Variants in PTPN13 observed in about 807,000 individuals in gnomAD.
The protein encoded by PTPN13 is tyrosine-protein phosphatase non-receptor type 13.
PTPN13 carries 191 observed loss-of-function variants against 284.0 expected under a neutral mutation model. The ratio of observed to expected loss-of-function variants is 0.67; its 90% CI spans 0.60 to 0.76. The LOEUF is 0.76. Ranked by LOEUF, PTPN13 falls within the 30% of genes least tolerant of loss-of-function variation. The pLI is 0.00. For missense variants in PTPN13, 2,797 were observed against 2,939.9 expected (o/e 0.95, Z 1.12); for synonymous variants, 986 against 1,022.3 (o/e 0.96, Z 0.68).
At chr4:86,730,460 A>G (rs948104414) in intron 10 of PTPN13, among the ~76,000 whole-genome samples, 1 of 149,708 alleles carries the variant, frequency 6.7e-6, no homozygotes, top group African/African-American at 2.4e-5. Flanking sequence ...GGTGGGCTCC[A>G]CCCACTTCGA....
intron 1 of PTPN13, among the ~76,000 whole-genome samples, chr4:86,613,833 T>C (rs1379006235): frequency 1.3e-5 from 2 of 152,176 alleles, no homozygotes; most frequent in East Asian, 3.8e-4. Flanking sequence ...TCTCTCTCAC[T>C]ACATTCTGTC....
At chr4:86,702,566 G>T (rs1190927806) in intron 7 of PTPN13, among the ~76,000 whole-genome samples, 1 of 152,014 alleles carries the variant, frequency 6.6e-6, no homozygotes, top group African/African-American at 2.4e-5. Context: ...TTTATAAATG[G>T]TAATTTCTTA....
intron 10 of PTPN13, among the ~76,000 whole-genome samples, chr4:86,731,315 T>A (rs1420088474): frequency 6.6e-6 from 1 of 152,204 alleles, no homozygotes; most frequent in Non-Finnish European, 1.5e-5. Context: ...TTGTTTTAAG[T>A]TGTCTCCTAA....
chr4:86,726,199 C>A (rs941204728), intron 10 of PTPN13, among the ~76,000 whole-genome samples: 2 of 149,500 alleles, frequency 1.3e-5, no homozygotes, highest in Non-Finnish European at 3.0e-5. Context: ...GGTACCAGTA[C>A]CATGCTGTTT....
intron 1 of PTPN13, among the ~76,000 whole-genome samples, chr4:86,612,907 T>C (rs1017187492): frequency 3.3e-5 from 5 of 152,264 alleles, no homozygotes; most frequent in South Asian, 2.1e-4. Context: ...GTGGTTTTTT[T>C]TCCCCAGATA....
intron 41 of PTPN13, among the ~76,000 whole-genome samples, chr4:86,798,385 C>CT (rs765392347): frequency 1.3e-5 from 2 of 152,192 alleles, no homozygotes; most frequent in African/African-American, 2.4e-5. Flanking sequence ...GCCCTGTTGA[C>CT]ATTTTGGGAG....
rs375352445 is a variant in PTPN13 at position 86,741,660 on chromosome 4, A to T, written c.2331A>T (p.Gly777=). Residue 777 remains glycine (G), a synonymous_variant, in exon 16 of 48, where the codon GGA becomes GGT. Coordinates refer to ENST00000411767, the MANE Select transcript of PTPN13 (RefSeq NM_080683.3). The stretch of plus-strand genomic sequence containing the variant: ...TCTGCCAAAGACTGACAGAATATGG[A>T]GTTCATTTTCACCGAGTGCACCCTG... The part of the protein sequence containing the change: ...LKVCQRLTEY[G]VHFHRVHPEK... 1.2e-6 allele frequency: 2 copies of T among 1,613,598 alleles called. No homozygotes were observed. The highest frequency in any genetic ancestry group is 2.7e-5 in the African/African-American group (2 of 75,026).
At chr4:86,652,292 A>G (rs2148811953) in intron 2 of PTPN13, among the ~76,000 whole-genome samples, 1 of 152,250 alleles carries the variant, frequency 6.6e-6, no homozygotes, top group East Asian at 1.9e-4. Context: ...AATATGCATG[A>G]TTTATATACA....
In PTPN13 at chr4:86,732,469, A is replaced by C. The variant is rs752681431; in HGVS notation, c.1678A>C (p.Ile560Leu). 2 of 1,601,040 alleles carry C rather than the reference A, an allele frequency of 1.2e-6. No homozygotes were observed. Among genetic ancestry groups the C allele is most frequent in the Non-Finnish European group, 1.7e-6 (2 of 1,172,558 alleles). Reference sequence around the variant, plus strand: ...TATATCTTTGGATTTGCCACGGTCTATTCTTGTAAGTAATAAAACCAATTT... The same window carrying C: ...TATATCTTTGGATTTGCCACGGTCTCTTCTTGTAAGTAATAAAACCAATTT... ...PFISLDLPRSILTKKGKNEDN... is the reference protein window; with the variant it reads ...PFISLDLPRSLLTKKGKNEDN... The change falls in exon 11 of 48, where the codon ATT becomes CTT. Residue 560 changes from isoleucine to leucine, a missense_variant. Coordinates refer to ENST00000411767, the MANE Select transcript of PTPN13 (RefSeq NM_080683.3).
At chr4:86,700,997 A>G (rs747656086) in intron 6 of PTPN13, among the ~76,000 whole-genome samples, 9 of 152,092 alleles carry the variant, frequency 5.9e-5, no homozygotes, top group Non-Finnish European at 1.0e-4. Flanking sequence ...AAATAATACC[A>G]CTCAAAAATG....
In PTPN13 at chr4:86,774,223, G is replaced by A. The variant is rs954396621; in HGVS notation, c.5350-150G>A. The A allele has an allele frequency of 3.1e-4, 214 of 682,250 alleles. 1 individual carries two copies. Among genetic ancestry groups the A allele is most frequent in the Middle Eastern group, 4.2e-4 (1 of 2,372 alleles). 42.3% of individuals were successfully genotyped at this position (682,250 alleles called of 1,614,324 possible). A position where few individuals can be genotyped will look rare whatever the true frequency, so the allele number is the denominator to read the frequency against. On this transcript the variant is annotated intron_variant, in intron 32 of 47. Coordinates refer to ENST00000411767, the MANE Select transcript of PTPN13 (RefSeq NM_080683.3). The stretch of plus-strand genomic sequence containing the variant: ...TCTAGAATCAGACAGACTGTCTAGA[G>A]TCAGACAGACTTGACTTCTTCACTT...
At chr4:86,660,037 C>T (rs1036556849) in intron 2 of PTPN13, among the ~76,000 whole-genome samples, 1 of 151,996 alleles carries the variant, frequency 6.6e-6, no homozygotes, top group Admixed American at 6.6e-5. Context: ...GTAAAAGGTT[C>T]AAGAAGGAAC....
intron 40 of PTPN13, among the ~76,000 whole-genome samples, chr4:86,791,291 G>A (rs957887310): frequency 6.6e-6 from 1 of 152,140 alleles, no homozygotes; most frequent in Non-Finnish European, 1.5e-5. Flanking sequence ...TGACCAGTGG[G>A]GGGCATCCAC....
At chr4:86,800,704 CAGGG>C (rs889786582) in intron 42 of PTPN13, among the ~76,000 whole-genome samples, 55 of 134,214 alleles carry the variant, frequency 4.1e-4, no homozygotes, top group African/African-American at 1.2e-3. Flanking sequence ...GGGAAGAAAG[CAGGG>C]AGGGAGGGAG....
At chr4:86,748,837 A>T (rs1270706743) in intron 17 of PTPN13, among the ~76,000 whole-genome samples, 1 of 151,904 alleles carries the variant, frequency 6.6e-6, no homozygotes, top group Non-Finnish European at 1.5e-5. Flanking sequence ...TTGTATTTTT[A>T]GTAGAGATGG....
intron 1 of PTPN13, among the ~76,000 whole-genome samples, chr4:86,614,499 T>C (rs1355237990): frequency 2.0e-5 from 3 of 152,160 alleles, no homozygotes; most frequent in Non-Finnish European, 4.4e-5. Context: ...TCTAAAAATT[T>C]CCTTTACTTC....
chr4:86,643,422 G>A (rs989430321), intron 2 of PTPN13, among the ~76,000 whole-genome samples: 2 of 151,998 alleles, frequency 1.3e-5, no homozygotes, highest in Admixed American at 6.6e-5. Context: ...AAGTGAAAAT[G>A]ACAAATTACT....
intron 44 of PTPN13, 26 bp downstream of exon 44, chr4:86,805,395 T>A: frequency 7.1e-7 from 1 of 1,406,784 alleles, no homozygotes; most frequent in Non-Finnish European, 9.9e-7. Flanking sequence ...GCTTCAGATT[T>A]AATATGTGAT....
chr4:86,705,107 G>A (rs1414373670), intron 7 of PTPN13, among the ~76,000 whole-genome samples: 1 of 152,036 alleles, frequency 6.6e-6, no homozygotes, highest in Non-Finnish European at 1.5e-5. Context: ...AGGCCAGGGC[G>A]GGCAGATCAC....
Sources: gnomAD v4.1 joint callset for allele counts (sites outside exome capture counted in the v4.1 genomes callset) on GRCh38, gnomAD v4.1.1 for gene constraint, MANE v1.5 for transcripts, NCBI Gene and HGNC (gene_info 2026-07-23, HGNC 2026-07-21) for gene names.